ARID1B: variants seen among roughly 807,000 people sequenced by gnomAD.
ARID1B encodes AT-rich interactive domain-containing protein 1B.
Under a neutral mutation model 212.3 loss-of-function variants are expected in ARID1B, and 30 were observed. The ratio of observed to expected loss-of-function variants is 0.14; its 90% confidence interval spans 0.11 to 0.19. The LOEUF (loss-of-function observed/expected upper bound fraction) is 0.19. Ranked by LOEUF, ARID1B falls within the 10% of genes least tolerant of loss-of-function variation. The probability of loss-of-function intolerance (pLI) is 1.00; values close to 1 mark genes in which losing one functional copy is unlikely to be tolerated. For missense variants in ARID1B, 2,891 were observed against 3,204.0 expected (o/e 0.90, Z 2.36); for synonymous variants, 1,402 against 1,301.7 (o/e 1.08, Z -1.66).
intron 2 of ARID1B, among the ~76,000 whole-genome samples, chr6:156,855,191 C>T (rs931536872): frequency 1.3e-5 from 2 of 152,160 alleles, no homozygotes; most frequent in African/African-American, 4.8e-5. Flanking sequence ...GTTTGTAATA[C>T]TATTATCTAA....
At chr6:156,842,326 T>G (rs938856691) in intron 2 of ARID1B, among the ~76,000 whole-genome samples, 2 of 152,234 alleles carry the variant, frequency 1.3e-5, no homozygotes, top group Non-Finnish European at 2.9e-5. Context: ...CCGCTGGATT[T>G]ACCTGTTTTT....
Position 157,033,311 on chromosome 6 carries a change from T to G in ARID1B, c.2248-51351T>G, listed in dbSNP as rs928339678. Among the ~76,000 whole-genome samples the G allele has an allele frequency of 4.6e-5, 7 of 152,334 alleles. No homozygotes were observed. In the East Asian group the frequency reaches 5.8e-4, roughly 13 times the overall value. On this transcript the variant is annotated intron_variant, in intron 4 of 19. Coordinates refer to ENST00000636930, the MANE Select transcript of ARID1B (RefSeq NM_001374828.1). Reference sequence around the variant, plus strand: ...TCCTTTAATTATGAGTATCGTTCATTATACATTGTTATAAATGAGCATTAT... The same window carrying G: ...TCCTTTAATTATGAGTATCGTTCATGATACATTGTTATAAATGAGCATTAT...
chr6:157,180,945 C>T, intron 11 of ARID1B, 24 bp from the exon 12 acceptor site: 1 of 1,603,058 alleles, frequency 6.2e-7, no homozygotes, highest in Non-Finnish European at 8.5e-7. Flanking sequence ...TGCCCCACCT[C>T]CACATGCTGC....
At chr6:156,996,667 T>C (rs549401776) in intron 4 of ARID1B, among the ~76,000 whole-genome samples, 1 of 152,184 alleles carries the variant, frequency 6.6e-6, no homozygotes, top group African/African-American at 2.4e-5. Flanking sequence ...GCATTTTGGG[T>C]TTTTTTGGAA....
At chr6:156,883,388 C>G (rs1787254022) in intron 2 of ARID1B, among the ~76,000 whole-genome samples, 1 of 152,156 alleles carries the variant, frequency 6.6e-6, no homozygotes, top group Non-Finnish European at 1.5e-5. Flanking sequence ...TTGGGGTCCT[C>G]CACTCTGGAC....
At chr6:156,981,451 T>C (rs1157443273) in intron 4 of ARID1B, among the ~76,000 whole-genome samples, 1 of 152,238 alleles carries the variant, frequency 6.6e-6, no homozygotes, top group African/African-American at 2.4e-5. Flanking sequence ...TAGGAATGTA[T>C]GATGAATTTA....
intron 5 of ARID1B, among the ~76,000 whole-genome samples, chr6:157,087,266 A>G (rs1360957720): frequency 6.6e-6 from 1 of 152,244 alleles, no homozygotes; most frequent in Non-Finnish European, 1.5e-5. Flanking sequence ...AACATTTCTT[A>G]GTATATTCGC....
At chr6:156,819,157 T>C (rs1782183471) in intron 1 of ARID1B, among the ~76,000 whole-genome samples, 1 of 152,194 alleles carries the variant, frequency 6.6e-6, no homozygotes, top group South Asian at 2.1e-4. Context: ...TCAATTTGAA[T>C]CTGTATTTGT....
chr6:156,984,206 A>G (rs1231483298), intron 4 of ARID1B, among the ~76,000 whole-genome samples: 3 of 152,114 alleles, frequency 2.0e-5, no homozygotes, highest in African/African-American at 7.2e-5. Context: ...ACAGCAAGGC[A>G]TGCTCCCACA....
At chr6:157,168,020 C>T (rs763240576) in intron 9 of ARID1B, 3 of 152,256 alleles carry the variant, frequency 2.0e-5, no homozygotes, top group African/African-American at 7.2e-5. Flanking sequence ...GTGGCTTAGC[C>T]AGTGTGTATC....
chr6:156,989,978 C>G (rs1179197762), intron 4 of ARID1B, among the ~76,000 whole-genome samples: 2 of 152,078 alleles, frequency 1.3e-5, no homozygotes, highest in Non-Finnish European at 2.9e-5. Flanking sequence ...GATTTTCAAC[C>G]TTTACAATGA....
In ARID1B at chr6:156,778,228, TCCA is replaced by T. The variant is rs995075933; in HGVS notation, c.559_561del (p.His187del). The T allele has an allele frequency of 3.3e-6, 5 of 1,530,872 alleles. No individual in the cohort carries two copies. The highest frequency in any genetic ancestry group is 2.0e-5 in the Admixed American group (1 of 50,630). The allele number at this position is 1,530,872 out of a possible 1,614,324, so 94.8% of individuals were successfully genotyped here. A position where few individuals can be genotyped will look rare whatever the true frequency, so the allele number is the denominator to read the frequency against. ...CACCACCACCACCATGCCCACCACC[TCCA>T]CCACCACCACGCACTACAGCAGCAG... is the stretch of plus-strand genomic sequence containing the variant. On this transcript the variant is annotated inframe_deletion, in exon 1 of 20. Transcript: ENST00000636930.
At chr6:156,936,823 C>T (rs970070622) in intron 4 of ARID1B, 1 of 148,786 alleles carries the variant, frequency 6.7e-6, no homozygotes. Flanking sequence ...TTTGCATTAA[C>T]TTAGATTTAT....
At chr6:157,186,182 G>A (rs578123972) in intron 13 of ARID1B, 11 of 279,970 alleles carry the variant, frequency 3.9e-5, no homozygotes, top group Admixed American at 2.3e-4. Context: ...GCTTCAGGAC[G>A]GGGGCCCTGC....
intron 1 of ARID1B, among the ~76,000 whole-genome samples, chr6:156,819,659 C>T (rs1272987998): frequency 6.6e-6 from 1 of 152,180 alleles, no homozygotes; most frequent in African/African-American, 2.4e-5. Context: ...GGGTTCAATA[C>T]TTGTTTTTCT....
chr6:156,957,299 G>A (rs2128315315), intron 4 of ARID1B, among the ~76,000 whole-genome samples: 2 of 152,240 alleles, frequency 1.3e-5, no homozygotes, highest in Middle Eastern at 6.8e-3. Flanking sequence ...ATGTTTATTG[G>A]AAACAGTTAT....
intron 5 of ARID1B, among the ~76,000 whole-genome samples, chr6:157,108,711 A>G (rs1440907281): frequency 1.3e-5 from 2 of 152,208 alleles, no homozygotes; most frequent in African/African-American, 4.8e-5. Context: ...TTTACATTTA[A>G]TTATTTGGTA....
chr6:157,034,732 T>G (rs1355639212), intron 4 of ARID1B, among the ~76,000 whole-genome samples: 1 of 152,214 alleles, frequency 6.6e-6, no homozygotes, highest in East Asian at 1.9e-4. Flanking sequence ...GATATTCCCT[T>G]TGTATTAAAT....
chr6:156,885,156 A>G (rs1012326950), intron 2 of ARID1B, among the ~76,000 whole-genome samples: 6 of 152,208 alleles, frequency 3.9e-5, no homozygotes, highest in Non-Finnish European at 7.3e-5. Flanking sequence ...CAGAACTAAA[A>G]TATTTTAGCC....
Sources: allele counts gnomAD v4.1 joint callset (sites outside exome capture counted in the v4.1 genomes callset), GRCh38; gene constraint gnomAD v4.1.1; transcripts MANE v1.5; gene names NCBI Gene and HGNC (gene_info 2026-07-23, HGNC 2026-07-21).